NUP58: variants seen among roughly 807,000 people sequenced by gnomAD.
NUP58 encodes the protein nucleoporin 58.
NUP58 carries 17 observed loss-of-function variants against 70.1 expected under a neutral mutation model. The ratio of observed to expected loss-of-function variants is 0.24; its 90% CI spans 0.17 to 0.36. The LOEUF (loss-of-function observed/expected upper bound fraction) is 0.36, where lower values mean the gene tolerates loss of function less well. Ranked by LOEUF, NUP58 falls within the 10% of genes least tolerant of loss-of-function variation. The probability of loss-of-function intolerance (pLI) is 1.00; values close to 1 mark genes in which losing one functional copy is unlikely to be tolerated. For synonymous variants in NUP58, 275 were observed against 257.6 expected, an observed-to-expected ratio of 1.07 and a Z score of -0.65; for missense variants, 644 against 701.5, an observed-to-expected ratio of 0.92 and a Z score of 0.93.
chr13:25,331,152 A>AGG (rs776771349), intron 12 of NUP58, among the ~76,000 whole-genome samples: 129 of 152,318 alleles, frequency 8.5e-4, no homozygotes, highest in Non-Finnish European at 1.4e-3. Flanking sequence ...TTGTAAAGAT[A>AGG]GGGAGTAAAC....
chr13:25,330,936 T>TC, intron 12 of NUP58, among the ~76,000 whole-genome samples: 1 of 152,256 alleles, frequency 6.6e-6, no homozygotes, highest in South Asian at 2.1e-4. Flanking sequence ...TTTCTTTCTT[T>TC]TTTTTTTAAA....
chr13:25,342,849 A>G (rs1294451110), downstream of NUP58, among the ~76,000 whole-genome samples: 2 of 152,060 alleles, frequency 1.3e-5, no homozygotes, highest in Non-Finnish European at 2.9e-5. Flanking sequence ...TTTTTAACAA[A>G]TAGGTTAAAA....
chr13:25,311,177 T>C (rs2030647221), intron 3 of NUP58, among the ~76,000 whole-genome samples: 1 of 152,142 alleles, frequency 6.6e-6, no homozygotes, highest in Non-Finnish European at 1.5e-5. Context: ...TGAAGTATTT[T>C]GGTTTTGGAG....
intron 9 of NUP58, among the ~76,000 whole-genome samples, chr13:25,322,745 C>T (rs563804451): frequency 3.9e-5 from 6 of 152,156 alleles, no homozygotes; most frequent in Admixed American, 1.3e-4. Flanking sequence ...ACTTCTGGTC[C>T]CAAGCTTTTT....
At chr13:25,317,023 C>G (rs536957731) in intron 6 of NUP58, among the ~76,000 whole-genome samples, 1 of 152,128 alleles carries the variant, frequency 6.6e-6, no homozygotes, top group African/African-American at 2.4e-5. Flanking sequence ...TTGCTTATAT[C>G]AAGGGATTCT....
At chr13:25,313,813 A>C (rs1593181255) in intron 5 of NUP58, 62 bp downstream of exon 5, 2 of 1,340,938 alleles carry the variant, frequency 1.5e-6, no homozygotes, top group East Asian at 6.1e-5. Flanking sequence ...ACTTATTTTT[A>C]TTTTAGTACT....
intron 7 of NUP58, chr13:25,320,292 A>C: frequency 5.5e-6 from 2 of 360,658 alleles, no homozygotes; most frequent in South Asian, 5.0e-5. Context: ...TTTTTAATAG[A>C]TGCCAATCTT....
Position 25,305,590 on chromosome 13 carries a change from C to G in NUP58, c.108-2216C>G, listed in dbSNP as rs984494384. Among the ~76,000 whole-genome samples the G allele has an allele frequency of 2.0e-5, 3 of 152,184 alleles. No homozygotes were observed. The South Asian group carries it at 6.2e-4, about 31-fold the overall frequency. ...AAATCAGTACTTCTCCTTTTACCTA[C>G]TCAGTATGGATGGCACATCTCAAGT... On this transcript the variant is annotated intron_variant, in intron 1 of 15. Transcript: ENST00000381736.
intron 13 of NUP58, chr13:25,335,048 A>G: frequency 1.0e-6 from 1 of 985,248 alleles, no homozygotes; most frequent in Non-Finnish European, 1.2e-6. Flanking sequence ...AGTGTAATAT[A>G]TGCTAATACT....
chr13:25,303,195 C>T, intron 1 of NUP58: 1 of 425,366 alleles, frequency 2.4e-6, no homozygotes, highest in Non-Finnish European at 4.6e-6. Context: ...TCTCTTTAAT[C>T]ATTACCCGCC....
chr13:25,303,501 G>A (rs1159272320), intron 1 of NUP58, among the ~76,000 whole-genome samples: 1 of 151,286 alleles, frequency 6.6e-6, no homozygotes, highest in Non-Finnish European at 1.5e-5. Flanking sequence ...TTTCTCTCAT[G>A]GTCCTGATCT....
intron 3 of NUP58, among the ~76,000 whole-genome samples, chr13:25,347,890 T>C (rs1300464961): frequency 6.6e-6 from 1 of 151,946 alleles, no homozygotes; most frequent in East Asian, 1.9e-4. Context: ...TTACTCCTTC[T>C]GGTGTCGAGA....
intron 9 of NUP58, 40 bp downstream of exon 9, chr13:25,321,133 G>GTT: frequency 2.0e-6 from 3 of 1,519,522 alleles, no homozygotes; most frequent in Non-Finnish European, 2.6e-6. Context: ...GGGTTTTTTT[G>GTT]TTTTGTTTTT....
At chr13:25,333,226 G>T in intron 13 of NUP58, 1 of 985,374 alleles carries the variant, frequency 1.0e-6, no homozygotes, top group Non-Finnish European at 1.2e-6. Context: ...ATATGGAGAT[G>T]TGTGTTCATT....
chr13:25,325,184 G>A (rs890070968), intron 10 of NUP58, 116 bp downstream of exon 10: 1 of 699,372 alleles, frequency 1.4e-6, no homozygotes, highest in Non-Finnish European at 2.4e-6. Context: ...GAGCCAATAA[G>A]CACTTTACAT....
At chr13:25,313,999 G>T (rs2030805916) in intron 5 of NUP58, among the ~76,000 whole-genome samples, 1 of 152,056 alleles carries the variant, frequency 6.6e-6, no homozygotes, top group African/African-American at 2.4e-5. Flanking sequence ...CGTGATCTTG[G>T]TTCACTGTAA....
rs1418306756 is a variant in NUP58, at chr13:25,301,717, G to A, written c.-57G>A. The A allele has an allele frequency of 1.0e-6, 1 of 990,090 alleles. No homozygotes were observed. The highest frequency in any genetic ancestry group is 1.4e-6 in the Non-Finnish European group (1 of 691,838). The allele number at this position is 990,090 out of a possible 1,614,324, so 61.3% of individuals were successfully genotyped here. On this transcript the variant is annotated 5_prime_UTR_variant, in exon 1 of 16. Transcript: ENST00000381736. Reference sequence around the variant, plus strand: ...GCCCGGCCCGCCTCGGCTTTGAGGCGAGAGAAGTGTCCCAGACCCATTTCG... The same window carrying A: ...GCCCGGCCCGCCTCGGCTTTGAGGCAAGAGAAGTGTCCCAGACCCATTTCG...
At chr13:25,323,817 T>G (rs191555682) in intron 9 of NUP58, among the ~76,000 whole-genome samples, 26 of 152,320 alleles carry the variant, frequency 1.7e-4, no homozygotes, top group Non-Finnish European at 2.6e-4. Flanking sequence ...TCAACTAACA[T>G]TTTTAAAAGA....
chr13:25,313,577 G>A (rs1306949804), intron 4 of NUP58, 37 bp from the exon 5 acceptor site: 2 of 1,420,080 alleles, frequency 1.4e-6, no homozygotes, highest in Non-Finnish European at 1.8e-6. Context: ...TGTTAAATAA[G>A]TTGCCTTTTG....
Sources: gnomAD v4.1 joint callset for allele counts (sites outside exome capture counted in the v4.1 genomes callset) on GRCh38, gnomAD v4.1.1 for gene constraint, MANE v1.5 for transcripts, NCBI Gene and HGNC (gene_info 2026-07-23, HGNC 2026-07-21) for gene names.